CCDC7: variants seen among roughly 807,000 people sequenced by gnomAD.
CCDC7 encodes the protein coiled-coil domain containing 7.
A neutral mutation model predicts 196.9 loss-of-function variants in CCDC7; 183 were observed. The ratio of observed to expected loss-of-function variants is 0.93; its 90% CI spans 0.82 to 1.05. The LOEUF is 1.05. Ranked by LOEUF, CCDC7 falls within the 50% of genes least tolerant of loss-of-function variation. The pLI is 0.00. For synonymous variants in CCDC7, 525 were observed against 484.6 expected, an observed-to-expected ratio of 1.08 and a Z score of -1.10; for missense variants, 1,540 against 1,482.2, an observed-to-expected ratio of 1.04 and a Z score of -0.64.
intron 8 of CCDC7, among the ~76,000 whole-genome samples, chr10:32,474,721 G>A (rs1383307575): frequency 6.6e-6 from 1 of 152,146 alleles, no homozygotes; most frequent in Non-Finnish European, 1.5e-5. Context: ...GTAGTTGTCA[G>A]TTCAGGAATA....
At chr10:32,468,012 G>A (rs975884130) in intron 5 of CCDC7, among the ~76,000 whole-genome samples, 1 of 152,176 alleles carries the variant, frequency 6.6e-6, no homozygotes, top group Admixed American at 6.5e-5. Flanking sequence ...TTGAAGTCGG[G>A]TAGTGTGATG....
chr10:32,654,458 A>T (rs1382783956), intron 20 of CCDC7, among the ~76,000 whole-genome samples: 1 of 152,098 alleles, frequency 6.6e-6, no homozygotes, highest in African/African-American at 2.4e-5. Context: ...CTTCTTTCCC[A>T]GGGTTTGTTA....
intron 32 of CCDC7, among the ~76,000 whole-genome samples, chr10:32,828,467 G>GAAGAAGAAGAAGAAGAAGAAGAAGAA (rs1555179415): frequency 4.1e-5 from 2 of 49,056 alleles, no homozygotes; most frequent in South Asian, 7.5e-4. Context: ...AAGAAGAAGA[G>GAAGAAGAAGAAGAAGAAGAAGAAGAA]GAAGAGGAAG....
At chr10:32,818,852 G>C (rs1281874562) in intron 31 of CCDC7, among the ~76,000 whole-genome samples, 2 of 151,948 alleles carry the variant, frequency 1.3e-5, no homozygotes, top group African/African-American at 4.8e-5. Flanking sequence ...ATACCCACAA[G>C]AGAAAAAAGG....
At chr10:32,831,562 T>C (rs981441824) in intron 32 of CCDC7, among the ~76,000 whole-genome samples, 5 of 152,246 alleles carry the variant, frequency 3.3e-5, no homozygotes, top group African/African-American at 1.2e-4. Context: ...TTTTTCTATA[T>C]CCTTATTCAA....
intron 21 of CCDC7, among the ~76,000 whole-genome samples, chr10:32,676,418 C>T (rs1267439653): frequency 1.7e-4 from 26 of 151,376 alleles, no homozygotes; most frequent in Non-Finnish European, 1.5e-5. Flanking sequence ...AAACTACCAT[C>T]AGAGTGAACA....
At chr10:32,521,760 G>C (rs996618616) in intron 11 of CCDC7, among the ~76,000 whole-genome samples, 6 of 152,088 alleles carry the variant, frequency 3.9e-5, no homozygotes, top group African/African-American at 1.4e-4. Context: ...ATGACAGTGG[G>C]CATTCTTACC....
At chr10:32,572,890 T>TC (rs1324516088) in intron 16 of CCDC7, among the ~76,000 whole-genome samples, 2 of 136,574 alleles carry the variant, frequency 1.5e-5, no homozygotes, top group African/African-American at 2.7e-5. Flanking sequence ...TTTTTTTTTT[T>TC]CTTCAGATGG....
chr10:32,842,153 G>A (rs11009111), intron 33 of CCDC7, among the ~76,000 whole-genome samples: 20,949 of 152,000 alleles, frequency 0.14, 1,744 homozygotes, highest in East Asian at 0.25. Context: ...TATCAGCAGA[G>A]TTAACAGACA....
At chr10:32,824,192 T>A (rs1164377028) in intron 31 of CCDC7, among the ~76,000 whole-genome samples, 2 of 152,188 alleles carry the variant, frequency 1.3e-5, no homozygotes, top group Admixed American at 6.5e-5. Context: ...TAGTGTGATT[T>A]AAATTTGCAT....
rs60384129 is a variant in CCDC7 at position 32,828,492 on chromosome 10, GAAGAA to G, written c.3268+3889_3268+3893del. On this transcript the variant is annotated intron_variant, in intron 32 of 41. Coordinates refer to ENST00000639629, the Ensembl canonical transcript of CCDC7. ...GGAAGAGGAAGAGGAAGAGGAAGAAGAAGAAGAAGAAGAAGAAGAAGAAGAAGAAG... is the reference window on the plus strand; with the variant it reads ...GGAAGAGGAAGAGGAAGAGGAAGAAGGAAGAAGAAGAAGAAGAAGAAGAAG... 4.8e-3 allele frequency among the ~76,000 whole-genome samples: 427 copies of G among 89,670 alleles called. 2 individuals are homozygous for G. The highest frequency in any genetic ancestry group is 0.012 in the African/African-American group (265 of 22,828). The allele number at this position is 89,670 out of a possible 152,430, so 58.8% of individuals were successfully genotyped here. A position where few individuals can be genotyped will look rare whatever the true frequency, so the allele number is the denominator to read the frequency against.
chr10:32,680,211 C>T (rs1159405115), intron 21 of CCDC7, among the ~76,000 whole-genome samples: 1 of 152,114 alleles, frequency 6.6e-6, no homozygotes, highest in African/African-American at 2.4e-5. Flanking sequence ...AAGTATAGGA[C>T]ATTGGGCAGG....
Position 32,876,338 on chromosome 10 carries a change from T to A in CCDC7, c.4112-9T>A. 6.2e-7 allele frequency: 1 copy of A among 1,605,780 alleles called. No homozygotes were observed. Among genetic ancestry groups the A allele is most frequent in the Non-Finnish European group, 8.5e-7 (1 of 1,174,966 alleles). Reference sequence around the variant, plus strand: ...TTTTTTTCAATTAACACATAACTTTTCTTTAAAGTGTTACATGCTGCTGCC... The same window carrying A: ...TTTTTTTCAATTAACACATAACTTTACTTTAAAGTGTTACATGCTGCTGCC... On this transcript the variant is annotated splice_polypyrimidine_tract_variant and intron_variant, in intron 41 of 41. Coordinates refer to ENST00000639629, the Ensembl canonical transcript of CCDC7.
chr10:32,738,185 A>G (rs1358992675), intron 28 of CCDC7, among the ~76,000 whole-genome samples: 1 of 152,060 alleles, frequency 6.6e-6, no homozygotes, highest in Non-Finnish European at 1.5e-5. Flanking sequence ...CAGGATATCA[A>G]TTACATTTCC....
intron 18 of CCDC7, among the ~76,000 whole-genome samples, chr10:32,617,164 T>C (rs1329166959): frequency 6.6e-6 from 1 of 151,962 alleles, no homozygotes; most frequent in African/African-American, 2.4e-5. Flanking sequence ...ATTGCATTTA[T>C]TGAGATCTTG....
Position 32,729,084 on chromosome 10 carries a change from G to C in CCDC7, c.2779+87G>C, listed in dbSNP as rs1236390692. 4 of 966,074 alleles carry C rather than the reference G, an allele frequency of 4.1e-6. No homozygotes were observed. In the Admixed American group the frequency reaches 8.2e-5, roughly 20 times the overall value. The allele number at this position is 966,074 out of a possible 1,614,324, so 59.8% of individuals were successfully genotyped here. A position where few individuals can be genotyped will look rare whatever the true frequency, so the allele number is the denominator to read the frequency against. On this transcript the variant is annotated intron_variant, in intron 27 of 41. Coordinates refer to ENST00000639629, the Ensembl canonical transcript of CCDC7. ...CTTTGATTCGTCAGTGTGTACTTCAGACTATATTTCATCAACTTTTAACTT... is the reference window on the plus strand; with the variant it reads ...CTTTGATTCGTCAGTGTGTACTTCACACTATATTTCATCAACTTTTAACTT...
At chr10:32,566,870 T>G (rs1265714084) in intron 14 of CCDC7, among the ~76,000 whole-genome samples, 1 of 146,650 alleles carries the variant, frequency 6.8e-6, no homozygotes, top group Non-Finnish European at 1.5e-5. Flanking sequence ...ACCCCGCAGA[T>G]ATATATATAT....
chr10:32,854,343 A>G (rs894836968), intron 40 of CCDC7, 57 bp from the exon 42 acceptor site: 18 of 1,004,608 alleles, frequency 1.8e-5, no homozygotes, highest in Admixed American at 7.0e-5. Context: ...AACATTTTAA[A>G]AGTTGAAATT....
chr10:32,559,380 G>GCCTGACC (rs1473601509), intron 13 of CCDC7, among the ~76,000 whole-genome samples: 1 of 152,218 alleles, frequency 6.6e-6, no homozygotes, highest in Non-Finnish European at 1.5e-5. Flanking sequence ...TCAAGTGGGT[G>GCCTGACC]CCTGACCCCT....
Sources: gnomAD v4.1 joint callset for allele counts (sites outside exome capture counted in the v4.1 genomes callset) on GRCh38, gnomAD v4.1.1 for gene constraint, MANE v1.5 for transcripts, NCBI Gene and HGNC (gene_info 2026-07-23, HGNC 2026-07-21) for gene names.